TONSL: variants seen among roughly 807,000 people sequenced by gnomAD.
The protein encoded by TONSL is tonsoku-like protein.
A neutral mutation model predicts 147.1 loss-of-function variants in TONSL; 112 were observed. That is an observed-to-expected ratio of 0.76 (90% CI 0.65 to 0.89). TONSL has a LOEUF of 0.89. Among genes scored for constraint, TONSL ranks in the 40% least tolerant of loss-of-function variants. The pLI is 0.00. For synonymous variants in TONSL, 868 were observed against 801.5 expected (o/e 1.08, Z -1.40); for missense variants, 1,883 against 1,864.6 (o/e 1.01, Z -0.18).
chr8:144,434,220 C>T lies in TONSL; in HGVS notation c.3145G>A (p.Ala1049Thr), dbSNP rs782409792. The change falls in exon 21 of 26, where the codon GCC becomes ACC. Residue 1049 changes from alanine to threonine, a missense_variant. By Grantham distance (58) the Ala-to-Thr change is moderately conservative. Transcript: ENST00000409379. ...GCCTGGTCCAGGGCCAGGGAGCAGG[C>T]GCTGAACGAGAGGCCCAAGCCCTGG... ...ELQGLGLSFSACSLALDQAQL... is the reference protein window; with the variant it reads ...ELQGLGLSFSTCSLALDQAQL... The T allele has an allele frequency of 2.2e-5, 34 of 1,556,780 alleles. No homozygotes were observed. The highest frequency in any genetic ancestry group is 1.7e-4 in the Admixed American group (9 of 53,288).
chr8:144,429,181 G>C lies in TONSL; in HGVS notation c.4099C>G (p.Leu1367Val), dbSNP rs782096778. Residue 1367 changes from leucine (L) to valine (V), a missense_variant, in exon 26 of 26, where the codon CTG becomes GTG. Leu to Val is a conservative substitution (Grantham distance 32). Coordinates refer to ENST00000409379, the MANE Select transcript of TONSL (RefSeq NM_013432.5). ...PSRPGPGECT[L>V]DHGSKLFFRR... ...AAGAAGAGCTTGGAGCCGTGGTCCA[G>C]CGTGCACTCGCCGGGGCCCGGCCGA... 1 of 1,534,630 alleles carries C rather than the reference G, an allele frequency of 6.5e-7. No homozygotes were observed. Among genetic ancestry groups the C allele is most frequent in the South Asian group, 1.2e-5 (1 of 83,750 alleles).
chr8:144,438,629 G>A (rs1281123596), intron 12 of TONSL, 24 bp downstream of exon 12: 2 of 1,612,544 alleles, frequency 1.2e-6, no homozygotes, highest in African/African-American at 1.3e-5. Flanking sequence ...AGCGGGGTGG[G>A]TGGGGGCAGG....
rs1564733091 is a variant in TONSL at position 144,440,483 on chromosome 8, C to G, written c.1165-7G>C. ...TCAGCCAGGTCTTGGCCTCCTGGAGCAGGAGGAAGGACAGGGTCGGGGGCT... is the reference window on the plus strand; with the variant it reads ...TCAGCCAGGTCTTGGCCTCCTGGAGGAGGAGGAAGGACAGGGTCGGGGGCT... On this transcript the variant is annotated splice_region_variant and splice_polypyrimidine_tract_variant and intron_variant, in intron 9 of 25. Transcript: ENST00000409379. 6.3e-7 allele frequency: 1 copy of G among 1,589,362 alleles called. No individual in the cohort carries two copies. The highest frequency in any genetic ancestry group is 1.7e-5 in the Admixed American group (1 of 58,080).
chr8:144,442,574 G>A lies in TONSL; in HGVS notation c.578+103C>T, dbSNP rs1823760484. 3.3e-6 allele frequency: 5 copies of A among 1,519,270 alleles called. No homozygotes were observed. In the East Asian group the frequency reaches 1.1e-4, roughly 34 times the overall value. 94.1% of individuals were successfully genotyped at this position (1,519,270 alleles called of 1,614,324 possible). ...GTGAGAGGTGGGGGGATGAGGCCCA[G>A]CCAGACTGCTCTCTCAGGAGGACTC... On this transcript the variant is annotated intron_variant, in intron 5 of 25. Coordinates refer to ENST00000409379, the MANE Select transcript of TONSL (RefSeq NM_013432.5).
intron 20 of TONSL, 40 bp downstream of exon 20, chr8:144,434,771 T>C (rs2130845517): frequency 6.2e-7 from 1 of 1,602,062 alleles, no homozygotes; most frequent in Non-Finnish European, 8.5e-7. Context: ...AACCCCCTTG[T>C]ACGACCTCAC....
intron 23 of TONSL, among the ~76,000 whole-genome samples, chr8:144,431,537 CAG>C (rs1291107690): frequency 1.3e-5 from 2 of 151,434 alleles, no homozygotes. Flanking sequence ...TTTTTTGAGA[CAG>C]AGTCTCGCTC....
Position 144,432,379 on chromosome 8 carries a change from G to A in TONSL, c.3641C>T (p.Pro1214Leu), listed in dbSNP as rs782748638. The A allele has an allele frequency of 6.2e-7, 1 of 1,612,324 alleles. No individual in the cohort carries two copies. Among genetic ancestry groups the A allele is most frequent in the Non-Finnish European group, 8.5e-7 (1 of 1,179,382 alleles). ...PALARTLQSL[P>L]AGTLLHLELS... is the part of the protein sequence containing the mutation. ...CTCTAAGTGCAGGAGGGTGCCGGCG[G>A]GCAGGCTCTGCAGGGTCCTGGCCAG... is the stretch of plus-strand genomic sequence containing the variant. Residue 1214 changes from proline to leucine, a missense_variant, in exon 23 of 26, where the codon CCC becomes CTC. Pro to Leu is a moderately conservative substitution (Grantham distance 98). Coordinates refer to ENST00000409379, the MANE Select transcript of TONSL (RefSeq NM_013432.5).
intron 22 of TONSL, chr8:144,433,380 C>A (rs115878919): frequency 3.6e-6 from 2 of 557,840 alleles, no homozygotes. Flanking sequence ...CCGGCCTAGA[C>A]GCTTTTTTCT....
intron 7 of TONSL, 181 bp from the exon 8 acceptor site, chr8:144,441,292 A>C (rs1173754492): frequency 2.7e-5 from 24 of 880,430 alleles, no homozygotes; most frequent in Non-Finnish European, 3.7e-5. Flanking sequence ...CACAAGAACT[A>C]ACACACTTAA....
At position 144,429,110 on chromosome 8, in the gene TONSL, C is replaced by T; in HGVS notation, c.*33G>A. 6.7e-7 allele frequency: 1 copy of T among 1,493,828 alleles called. No homozygotes were observed. Among genetic ancestry groups the T allele is most frequent in the Non-Finnish European group, 8.9e-7 (1 of 1,126,854 alleles). 92.5% of individuals were successfully genotyped at this position (1,493,828 alleles called of 1,614,324 possible). A position where few individuals can be genotyped will look rare whatever the true frequency, so the allele number is the denominator to read the frequency against. On this transcript the variant is annotated 3_prime_UTR_variant, in exon 26 of 26. Coordinates refer to ENST00000409379, the MANE Select transcript of TONSL (RefSeq NM_013432.5). ...GGCCAGCAGCTTCATTTATTAGGGG[C>T]TTCGGTGAGGGTGGGGAAAGGCAGC...
chr8:144,432,365 G>A lies in TONSL; in HGVS notation c.3655C>T (p.Leu1219=). The A allele has an allele frequency of 6.2e-7, 1 of 1,613,250 alleles. No homozygotes were observed. Among genetic ancestry groups the A allele is most frequent in the Non-Finnish European group, 8.5e-7 (1 of 1,179,778 alleles). Residue 1219 remains leucine (L), a synonymous_variant, in exon 23 of 26, where the codon CTG becomes TTG. Transcript: ENST00000409379. The part of the protein sequence containing the change: ...TLQSLPAGTL[L]HLELSSVAAG... ...GCCACGGAGCTGAGCTCTAAGTGCA[G>A]GAGGGTGCCGGCGGGCAGGCTCTGC...
At position 144,442,105 on chromosome 8, in the gene TONSL, T is replaced by C. The variant is rs1309235588; in HGVS notation, c.797A>G (p.Lys266Arg). ...CTGGGAGCCCAGCCTGTAGGCCTTC[T>C]TCAGGGCTCGCTTGGCAGCCAAAAA... ...GDFLAAKRALKKAYRLGSQKP... is the reference protein window; with the variant it reads ...GDFLAAKRALRKAYRLGSQKP... The change falls in exon 7 of 26, where the codon AAG (lysine) becomes AGG (arginine). Residue 266 changes from lysine (K) to arginine (R), a missense_variant. Coordinates refer to ENST00000409379, the MANE Select transcript of TONSL (RefSeq NM_013432.5). 2.5e-6 allele frequency: 4 copies of C among 1,612,670 alleles called. No individual in the cohort carries two copies. The highest frequency in any genetic ancestry group is 2.5e-6 in the Non-Finnish European group (3 of 1,179,900).
chr8:144,440,048 C>A lies in TONSL; in HGVS notation c.1453G>T (p.Ala485Ser). ...AATAESEALE[A>S]GEVELSEGED... is the part of the protein sequence containing the mutation. ...CCCTCTGAGAGCTCCACCTCGCCGG[C>A]CTCCAGGGCTTCGCTCTCCGCTGTG... The change falls in exon 11 of 26, where the codon GCC becomes TCC. Residue 485 changes from alanine (A) to serine (S), a missense_variant. By Grantham distance (99) the Ala-to-Ser change is moderately conservative. Coordinates refer to ENST00000409379, the MANE Select transcript of TONSL (RefSeq NM_013432.5). 6.8e-7 allele frequency: 1 copy of A among 1,478,058 alleles called. No homozygotes were observed. Among genetic ancestry groups the A allele is most frequent in the Non-Finnish European group, 9.5e-7 (1 of 1,057,730 alleles). 91.6% of individuals were successfully genotyped at this position (1,478,058 alleles called of 1,614,324 possible).
chr8:144,436,546 C>A lies in TONSL; in HGVS notation c.2014+12G>T, dbSNP rs746529839. ...GCACAGCAACCCCAGGGACAAGGGACGCCCTGCTTGCCTTGGCCCGAGGCA... is the reference window on the plus strand; with the variant it reads ...GCACAGCAACCCCAGGGACAAGGGAAGCCCTGCTTGCCTTGGCCCGAGGCA... On this transcript the variant is annotated intron_variant, in intron 16 of 25. Coordinates refer to ENST00000409379, the MANE Select transcript of TONSL (RefSeq NM_013432.5). 1.9e-6 allele frequency: 3 copies of A among 1,607,860 alleles called. No homozygotes were observed. Among genetic ancestry groups the A allele is most frequent in the Non-Finnish European group, 2.5e-6 (3 of 1,179,190 alleles).
rs776417303 is a variant in TONSL at position 144,436,145 on chromosome 8, G to A, written c.2288C>T (p.Ser763Leu). The change falls in exon 17 of 26, where the codon TCG (serine) becomes TTG (leucine). Residue 763 changes from serine to leucine, a missense_variant. By Grantham distance (145) the Ser-to-Leu change is moderately radical. Coordinates refer to ENST00000409379, the MANE Select transcript of TONSL (RefSeq NM_013432.5). ...GGCTGCCACCCGTTGTGCTGTGGCC[G>A]AGCACCGAGGCCTCTTCTGGGACGG... The part of the protein sequence containing the change: ...ARPSQKRPRC[S>L]ATAQRVAAWT... The A allele has an allele frequency of 1.2e-5, 19 of 1,566,590 alleles. No individual in the cohort carries two copies. In the Admixed American group the frequency reaches 1.3e-4, roughly 11 times the overall value.
At position 144,434,151 on chromosome 8, in the gene TONSL, G is replaced by T; in HGVS notation, c.3214C>A (p.Leu1072Ile). Residue 1072 changes from leucine to isoleucine, a missense_variant, in exon 21 of 26, where the codon CTC (leucine) becomes ATC (isoleucine). By Grantham distance (5) the Leu-to-Ile change is conservative (BLOSUM62 2). Transcript: ENST00000409379. ...TTCCCTGCCAGGCGCAGCTCCCGGA[G>T]TGCTGTGTGCAGCTTGAGGGCCCGC... ...LLRALKLHTALRELRLAGNRL... is the reference protein window; with the variant it reads ...LLRALKLHTAIRELRLAGNRL... The T allele has an allele frequency of 6.2e-7, 1 of 1,611,024 alleles. No individual in the cohort carries two copies. The highest frequency in any genetic ancestry group is 8.5e-7 in the Non-Finnish European group (1 of 1,178,864).
intron 7 of TONSL, 172 bp downstream of exon 7, chr8:144,441,865 C>T (rs531541752): frequency 5.1e-6 from 3 of 588,798 alleles, no homozygotes; most frequent in East Asian, 5.9e-5. Flanking sequence ...CTTCTCCTGT[C>T]AGGAAGTAGG....
At chr8:144,441,205 A>C (rs1586695867) in intron 7 of TONSL, 94 bp from the exon 8 acceptor site, 2 of 1,504,540 alleles carry the variant, frequency 1.3e-6, no homozygotes, top group Non-Finnish European at 1.8e-6. Flanking sequence ...TGGCCCCCCC[A>C]CTCTCTCCAC....
At position 144,429,146 on chromosome 8, in the gene TONSL, G is replaced by T; in HGVS notation, c.4134C>A (p.Leu1378=). The T allele has an allele frequency of 6.5e-7, 1 of 1,528,860 alleles. No homozygotes were observed. The highest frequency in any genetic ancestry group is 8.7e-7 in the Non-Finnish European group (1 of 1,143,374). 94.7% of individuals were successfully genotyped at this position (1,528,860 alleles called of 1,614,324 possible). Residue 1378 remains leucine, a synonymous_variant, in exon 26 of 26, where the codon CTC becomes CTA. Coordinates refer to ENST00000409379, the MANE Select transcript of TONSL (RefSeq NM_013432.5). The part of the protein sequence containing the change: ...DHGSKLFFRR[L] ...GTGGGGAAAGGCAGCGCCAGGGTCA[G>T]AGGCGCCGAAAGAAGAGCTTGGAGC...
Sources: allele counts gnomAD v4.1 joint callset (sites outside exome capture counted in the v4.1 genomes callset), GRCh38; gene constraint gnomAD v4.1.1; transcripts MANE v1.5; gene names NCBI Gene and HGNC (gene_info 2026-07-23, HGNC 2026-07-21).